The following EXPH5 variants were observed in gnomAD, a reference collection of about 807,000 sequenced individuals.
The protein encoded by EXPH5 is exophilin-5.
EXPH5 carries 42 observed loss-of-function variants against 41.1 expected under a neutral mutation model. That is an observed-to-expected ratio of 1.02 (90% CI 0.80 to 1.32). The LOEUF is 1.32. Among genes scored for constraint, EXPH5 ranks in the 40% most tolerant of loss-of-function variants. The pLI, the probability that EXPH5 is intolerant of heterozygous loss-of-function variation, is 0.00. For missense variants in EXPH5, 2,298 were observed against 2,314.5 expected (o/e 0.99, Z 0.15); for synonymous variants, 798 against 833.5 (o/e 0.96, Z 0.73).
intron 1 of EXPH5, among the ~76,000 whole-genome samples, chr11:108,555,871 A>G (rs1004181474): frequency 6.6e-6 from 1 of 152,164 alleles, no homozygotes; most frequent in African/African-American, 2.4e-5. Context: ...CTGTGAGTCA[A>G]TCAAATCTCT....
At position 108,593,604 on chromosome 11, in the gene EXPH5, C is replaced by T; in HGVS notation, c.-68G>A. 6.2e-7 allele frequency: 1 copy of T among 1,611,488 alleles called. No homozygotes were observed. The highest frequency in any genetic ancestry group is 1.7e-5 in the Admixed American group (1 of 59,662). ...TCCTGTTAGGAAGGCATTTTTCAAC[C>T]TGTACAAGACCAGTTTCACGAACTT... is the stretch of plus-strand genomic sequence containing the variant. On this transcript the variant is annotated 5_prime_UTR_variant, in exon 1 of 6. Coordinates refer to ENST00000265843, the MANE Select transcript of EXPH5 (RefSeq NM_015065.3).
chr11:108,534,536 G>A (rs1288941075), intron 3 of EXPH5, among the ~76,000 whole-genome samples: 1 of 152,152 alleles, frequency 6.6e-6, no homozygotes, highest in Non-Finnish European at 1.5e-5. Flanking sequence ...CTGCACCTTG[G>A]TTTATGTCAT....
chr11:108,566,882 C>A (rs2094037100), intron 1 of EXPH5, among the ~76,000 whole-genome samples: 1 of 152,172 alleles, frequency 6.6e-6, no homozygotes, highest in South Asian at 2.1e-4. Flanking sequence ...GGTCACTCAA[C>A]ACAGATAGCA....
intron 4 of EXPH5, among the ~76,000 whole-genome samples, chr11:108,522,077 C>G (rs1222359489): frequency 6.6e-6 from 1 of 152,116 alleles, no homozygotes; most frequent in Non-Finnish European, 1.5e-5. Flanking sequence ...CTATCCTACT[C>G]AACGTGTTCA....
At chr11:108,604,255 G>T in the EXPH5 span, among the ~76,000 whole-genome samples, 1 of 151,126 alleles carries the variant, frequency 6.6e-6, no homozygotes, top group South Asian at 2.1e-4. Context: ...AATTAGCTGG[G>T]CATGGTGGTG....
At chr11:108,573,311 A>C (rs1272263964) in intron 1 of EXPH5, among the ~76,000 whole-genome samples, 1 of 152,230 alleles carries the variant, frequency 6.6e-6, no homozygotes, top group Non-Finnish European at 1.5e-5. Context: ...TTTGACCAGC[A>C]AAACAACCAG....
At chr11:108,515,787 T>G (rs1334112055) in intron 5 of EXPH5, among the ~76,000 whole-genome samples, 1 of 152,044 alleles carries the variant, frequency 6.6e-6, no homozygotes, top group Non-Finnish European at 1.5e-5. Flanking sequence ...AAAGCTCACT[T>G]TTGGGCCGGG....
At chr11:108,564,728 T>A (rs1448937361) in intron 1 of EXPH5, among the ~76,000 whole-genome samples, 1 of 152,152 alleles carries the variant, frequency 6.6e-6, no homozygotes, top group Non-Finnish European at 1.5e-5. Flanking sequence ...TTGTATCAAA[T>A]TTTCCCTTGT....
upstream of EXPH5, among the ~76,000 whole-genome samples, chr11:108,595,136 G>A (rs929778991): frequency 2.0e-5 from 3 of 152,206 alleles, no homozygotes; most frequent in South Asian, 2.1e-4. Context: ...CAGTATATCA[G>A]TGAACTGATT....
At position 108,509,842 on chromosome 11, in the gene EXPH5, AG is replaced by A. The variant is rs1295665140; in HGVS notation, c.5664del (p.Phe1889LeufsTer7). 1 of 1,613,692 alleles carries A rather than the reference AG, an allele frequency of 6.2e-7. No individual in the cohort carries two copies. Among genetic ancestry groups the A allele is most frequent in the Admixed American group, 1.7e-5 (1 of 59,916 alleles). The part of the protein sequence containing the change: ...ISIYRPIDYG[I>X]FGKEQQLAFL... ...AAAGCTAACTGTTGTTCTTTCCCAAAGATCCCATAGTCGATAGGTCTGTATA... is the reference window on the plus strand; with the variant it reads ...AAAGCTAACTGTTGTTCTTTCCCAAAATCCCATAGTCGATAGGTCTGTATA... On this transcript the variant is annotated frameshift_variant, in exon 6 of 6. Coordinates refer to ENST00000265843, the MANE Select transcript of EXPH5 (RefSeq NM_015065.3). LOFTEE classifies it high-confidence loss of function.
At chr11:108,555,065 A>T (rs868368263) in intron 1 of EXPH5, among the ~76,000 whole-genome samples, 1 of 152,254 alleles carries the variant, frequency 6.6e-6, no homozygotes, top group Non-Finnish European at 1.5e-5. Flanking sequence ...CAGCATGATC[A>T]TGAGAAAAGA....
chr11:108,506,385 T>C lies in EXPH5; in HGVS notation c.*3152A>G, dbSNP rs765548375. ...CAGACCAACATGCAAACGTTACAAA[T>C]AGAGCAACTGAACACTGGCCATCAA... On this transcript the variant is annotated 3_prime_UTR_variant, in exon 6 of 6. Transcript: ENST00000265843. The C allele has an allele frequency of 7.9e-5, 12 of 152,312 alleles. No homozygotes were observed. The highest frequency in any genetic ancestry group is 1.7e-4 in the African/African-American group (7 of 41,558). 9.4% of individuals were successfully genotyped at this position (152,312 alleles called of 1,614,324 possible). A position where few individuals can be genotyped will look rare whatever the true frequency, so the allele number is the denominator to read the frequency against.
At chr11:108,577,006 A>T (rs1209144216) in intron 1 of EXPH5, among the ~76,000 whole-genome samples, 1 of 152,200 alleles carries the variant, frequency 6.6e-6, no homozygotes. Context: ...TACTAGGCTT[A>T]TTTCACTTAA....
chr11:108,510,635 T>C lies in EXPH5; in HGVS notation c.4872A>G (p.Gly1624=). ...RHVATIFPQS[G]SRSGFDHLSL... ...ATAAATGGTCAAAGCCAGATCTGCT[T>C]CCACTTTGGGGGAAGATAGTAGCTA... The change falls in exon 6 of 6, where the codon GGA becomes GGG. Residue 1624 remains glycine (G), a synonymous_variant. Transcript: ENST00000265843. The C allele has an allele frequency of 6.2e-7, 1 of 1,614,190 alleles. No homozygotes were observed. The highest frequency in any genetic ancestry group is 8.5e-7 in the Non-Finnish European group (1 of 1,180,034).
chr11:108,513,147 T>C lies in EXPH5; in HGVS notation c.2360A>G (p.Asp787Gly). Residue 787 changes from aspartate to glycine, a missense_variant, in exon 6 of 6, where the codon GAT (aspartate) becomes GGT (glycine). Physicochemically the swap from Asp to Gly is moderately conservative, Grantham distance 94. Coordinates refer to ENST00000265843, the MANE Select transcript of EXPH5 (RefSeq NM_015065.3). ...DTSKMYIPHT[D>G]KSNDIKQDKR... Reference sequence around the variant, plus strand: ...ATCTTGTTTAATGTCATTGGATTTATCTGTGTGCGGTATATACATTTTGGA... The same window carrying C: ...ATCTTGTTTAATGTCATTGGATTTACCTGTGTGCGGTATATACATTTTGGA... 1 of 1,612,982 alleles carries C rather than the reference T, an allele frequency of 6.2e-7. No individual in the cohort carries two copies.
intron 1 of EXPH5, among the ~76,000 whole-genome samples, chr11:108,584,343 C>T (rs1023240972): frequency 6.6e-6 from 1 of 151,952 alleles, no homozygotes; most frequent in East Asian, 1.9e-4. Context: ...CTAGGTGTGG[C>T]GTCACACAGC....
chr11:108,532,367 T>TATATATACATATA (rs61454000), intron 3 of EXPH5, among the ~76,000 whole-genome samples: 1 of 20,370 alleles, frequency 4.9e-5, no homozygotes, highest in African/African-American at 3.1e-4. Context: ...TATATATATA[T>TATATATACATATA]TTTTTTTTTT....
upstream of EXPH5, chr11:108,593,815 G>A (rs1348579815): frequency 1.4e-6 from 2 of 1,429,140 alleles, no homozygotes; most frequent in Non-Finnish European, 1.9e-6. Flanking sequence ...AAGGGGGCGG[G>A]CCCTCCCTTG....
intron 3 of EXPH5, among the ~76,000 whole-genome samples, chr11:108,533,827 G>T (rs907809792): frequency 6.6e-6 from 1 of 152,090 alleles, no homozygotes; most frequent in African/African-American, 2.4e-5. Flanking sequence ...ATAGGGTCTT[G>T]CTCTGTTGCC....
Sources: allele counts gnomAD v4.1 joint callset (sites outside exome capture counted in the v4.1 genomes callset), GRCh38; gene constraint gnomAD v4.1.1; transcripts MANE v1.5; gene names NCBI Gene and HGNC (gene_info 2026-07-23, HGNC 2026-07-21).